Variants in ZNF536 observed in about 807,000 individuals in gnomAD.
ZNF536 encodes the protein zinc finger protein 536.
In ZNF536, 13 loss-of-function variants were observed where a neutral mutation model predicts 84.5. That is an observed-to-expected ratio of 0.15 (90% CI 0.10 to 0.24). The LOEUF (loss-of-function observed/expected upper bound fraction) is 0.24. Ranked by LOEUF, ZNF536 falls within the 10% of genes least tolerant of loss-of-function variation. ZNF536 has a pLI of 1.00. For missense variants in ZNF536, 1,536 were observed against 1,747.5 expected (o/e 0.88, Z 2.16); for synonymous variants, 811 against 742.5 (o/e 1.09, Z -1.50).
chr19:30,496,392 C>A (rs1361199349), intron 2 of ZNF536, among the ~76,000 whole-genome samples: 1 of 152,112 alleles, frequency 6.6e-6, no homozygotes, highest in Non-Finnish European at 1.5e-5. Context: ...TGCCATGGTC[C>A]TTTGAAATGT....
At chr19:30,470,773 C>T (rs1252716112) in intron 2 of ZNF536, among the ~76,000 whole-genome samples, 1 of 150,970 alleles carries the variant, frequency 6.6e-6, no homozygotes, top group Non-Finnish European at 1.5e-5. Context: ...GCAGCCTCCA[C>T]CTCCCTGGTT....
chr19:30,484,870 G>A (rs1343410452), intron 2 of ZNF536, among the ~76,000 whole-genome samples: 8 of 151,996 alleles, frequency 5.3e-5, no homozygotes, highest in East Asian at 2.0e-4. Flanking sequence ...GTTGCCGGGC[G>A]CGGTGGCTCA....
At chr19:30,260,998 T>C (rs2025178410) in intron 1 of ZNF536, among the ~76,000 whole-genome samples, 1 of 152,086 alleles carries the variant, frequency 6.6e-6, no homozygotes, top group Non-Finnish European at 1.5e-5. Flanking sequence ...TAAAGACCTA[T>C]TAGAAAAATA....
intron 1 of ZNF536, among the ~76,000 whole-genome samples, chr19:30,694,011 C>G (rs554282220): frequency 2.6e-5 from 4 of 152,180 alleles, no homozygotes; most frequent in African/African-American, 4.8e-5. Flanking sequence ...AGGAAATGCA[C>G]TAATGTTTTT....
At chr19:30,528,504 G>T (rs1384304719) in intron 2 of ZNF536, among the ~76,000 whole-genome samples, 6 of 152,122 alleles carry the variant, frequency 3.9e-5, no homozygotes, top group Non-Finnish European at 7.3e-5. Flanking sequence ...GTCAATTTCT[G>T]ACCTTTTCCC....
chr19:30,425,448 T>C (rs1467307331), intron 1 of ZNF536, among the ~76,000 whole-genome samples: 1 of 152,106 alleles, frequency 6.6e-6, no homozygotes, highest in Non-Finnish European at 1.5e-5. Flanking sequence ...CTCATATCAG[T>C]GCAAATATGT....
rs151013333 is a variant in ZNF536 at position 30,669,525 on chromosome 19, C to A, written c.170-41232C>A. Among the ~76,000 whole-genome samples, 140 of 152,334 alleles carry A rather than the reference C, an allele frequency of 9.2e-4. 3 individuals carry two copies. The East Asian group carries it at 0.02, about 22-fold the overall frequency. On this transcript the variant is annotated intron_variant, in intron 1 of 1. Coordinates refer to the ZNF536 transcript ENST00000592773. ...CTGCCAGGCCACTTCCGCAGGCAGG[C>A]GGAGGGGTCCCTTGGCCTCCCTGTC...
intron 1 of ZNF536, among the ~76,000 whole-genome samples, chr19:30,255,793 C>T (rs2024884774): frequency 6.6e-6 from 1 of 152,178 alleles, no homozygotes; most frequent in African/African-American, 2.4e-5. Context: ...TGCAGGTCTT[C>T]GTCTGCATAG....
chr19:30,370,214 C>T (rs1344930606), upstream of ZNF536, among the ~76,000 whole-genome samples: 2 of 152,160 alleles, frequency 1.3e-5, no homozygotes, highest in Admixed American at 6.5e-5. Context: ...GTAGCAATGG[C>T]GACAGCGTGG....
intron 1 of ZNF536, among the ~76,000 whole-genome samples, chr19:30,588,583 T>G (rs1568579482): frequency 6.6e-6 from 1 of 152,158 alleles, no homozygotes; most frequent in Non-Finnish European, 1.5e-5. Flanking sequence ...TTCTAATTTT[T>G]CTGATCCAAA....
chr19:30,358,308 G>A (rs902402142), intron 3 of ZNF536, among the ~76,000 whole-genome samples: 3 of 152,192 alleles, frequency 2.0e-5, no homozygotes, highest in Non-Finnish European at 1.5e-5. Flanking sequence ...CAGAACCCAC[G>A]CATTTATGTT....
intron 2 of ZNF536, among the ~76,000 whole-genome samples, chr19:30,476,250 C>A (rs775078605): frequency 2.6e-5 from 4 of 152,170 alleles, no homozygotes; most frequent in Non-Finnish European, 5.9e-5. Context: ...TGAATTCGCT[C>A]TTACTGAGCT....
chr19:30,700,405 T>C (rs1225942723), intron 1 of ZNF536, among the ~76,000 whole-genome samples: 26 of 148,724 alleles, frequency 1.7e-4, no homozygotes, highest in Admixed American at 1.6e-3. Context: ...CTTCCTTCTC[T>C]TTTTCAGAGT....
At chr19:30,494,005 G>T (rs1489099286) in intron 2 of ZNF536, among the ~76,000 whole-genome samples, 4 of 152,042 alleles carry the variant, frequency 2.6e-5, no homozygotes, top group South Asian at 2.1e-4. Flanking sequence ...AATATTAATA[G>T]CAACCTGACC....
At chr19:30,701,465 A>G (rs111864398) in intron 1 of ZNF536, among the ~76,000 whole-genome samples, 2,917 of 151,926 alleles carry the variant, frequency 0.019, 76 homozygotes, top group African/African-American at 0.067. Context: ...ACAAACACAC[A>G]AACACACACA....
chr19:30,306,772 A>G (rs1016985320), intron 2 of ZNF536, among the ~76,000 whole-genome samples: 1 of 151,942 alleles, frequency 6.6e-6, no homozygotes, highest in Non-Finnish European at 1.5e-5. Flanking sequence ...TGCTGTGAAA[A>G]CTCACATTTC....
chr19:30,312,560 A>G (rs919337348), intron 2 of ZNF536, among the ~76,000 whole-genome samples: 1 of 152,250 alleles, frequency 6.6e-6, no homozygotes, highest in Non-Finnish European at 1.5e-5. Flanking sequence ...GTATTAAACT[A>G]GTTTAAAATA....
chr19:30,291,930 G>T (rs912833201), intron 2 of ZNF536, among the ~76,000 whole-genome samples: 2 of 151,902 alleles, frequency 1.3e-5, no homozygotes, highest in Non-Finnish European at 2.9e-5. Context: ...TAAATCTCAG[G>T]GCCCATAATA....
exon 2 of ZNF536, chr19:30,712,887 C>T (rs1206969158): frequency 2.7e-5 from 4 of 146,432 alleles, no homozygotes; most frequent in African/African-American, 1.0e-4. Flanking sequence ...CCCTTGCTTT[C>T]TGTGTTTGCT....
Sources: gnomAD v4.1 joint callset for allele counts (sites outside exome capture counted in the v4.1 genomes callset) on GRCh38, gnomAD v4.1.1 for gene constraint, MANE v1.5 for transcripts, NCBI Gene and HGNC (gene_info 2026-07-23, HGNC 2026-07-21) for gene names.